SLC15A3: variants seen among roughly 807,000 people sequenced by gnomAD.
SLC15A3 encodes osteoclast transporter.
In SLC15A3, 39 loss-of-function variants were observed where a neutral mutation model predicts 49.2. The observed-to-expected ratio is 0.79, with a 90% CI of 0.61 to 1.04. The LOEUF (loss-of-function observed/expected upper bound fraction) is 1.04. Ranked by LOEUF, SLC15A3 falls within the 50% of genes least tolerant of loss-of-function variation. SLC15A3 has a pLI of 0.00. For synonymous variants in SLC15A3, 339 were observed against 367.0 expected (o/e 0.92, Z 0.87); for missense variants, 758 against 794.8 (o/e 0.95, Z 0.56).
At chr11:60,950,869 T>C (rs1040320090) in intron 1 of SLC15A3, 125 bp downstream of exon 1, 3 of 1,048,272 alleles carry the variant, frequency 2.9e-6, no homozygotes, top group Middle Eastern at 3.2e-4. Context: ...CTAGCCCCCC[T>C]CTTCTTTCAA....
rs752988552 is a variant in SLC15A3, at chr11:60,951,383, C to T, written c.169G>A (p.Val57Met). The T allele has an allele frequency of 1.0e-4, 157 of 1,548,610 alleles. No individual in the cohort carries two copies. Among genetic ancestry groups the T allele is most frequent in the Non-Finnish European group, 1.3e-4 (151 of 1,153,140 alleles). ...AAFFGVTANL[V>M]LYLNSTNFNW... ...AAGTTGGTGCTGTTGAGGTACAGCA[C>T]GAGGTTGGCGGTGACGCCGAAGAAG... Residue 57 changes from valine (V) to methionine (M), a missense_variant, in exon 1 of 8, where the codon GTG becomes ATG. Val to Met is a conservative substitution (Grantham distance 21, BLOSUM62 1). Transcript: ENST00000227880.
At chr11:60,939,779 G>T (rs1465065681) in intron 5 of SLC15A3, 141 bp from the exon 6 acceptor site, 9 of 946,352 alleles carry the variant, frequency 9.5e-6, no homozygotes, top group Non-Finnish European at 1.4e-5. Context: ...ATGCTGGACT[G>T]GGGGGTGGAG....
At chr11:60,949,032 G>A (rs185650402) in intron 1 of SLC15A3, among the ~76,000 whole-genome samples, 3 of 152,284 alleles carry the variant, frequency 2.0e-5, no homozygotes, top group Non-Finnish European at 2.9e-5. Flanking sequence ...ATGTCAACAA[G>A]AAGTAAGAAA....
At chr11:60,949,380 A>G (rs1565129639) in intron 1 of SLC15A3, among the ~76,000 whole-genome samples, 1 of 148,618 alleles carries the variant, frequency 6.7e-6, no homozygotes, top group African/African-American at 2.5e-5. Context: ...AAGAGAAAGA[A>G]AGAGAGAGAG....
chr11:60,949,546 A>AAGAAAGAAAGAAAGAAAG (rs1856871620), intron 1 of SLC15A3, among the ~76,000 whole-genome samples: 5 of 78,224 alleles, frequency 6.4e-5, no homozygotes, highest in African/African-American at 1.1e-4. Context: ...GAAAGAAAGA[A>AAGAAAGAAAGAAAGAAAG]AGAAAGAAAG....
chr11:60,951,291 C>A lies in SLC15A3; in HGVS notation c.261G>T (p.Ala87=). 6.6e-7 allele frequency: 1 copy of A among 1,520,872 alleles called. No individual in the cohort carries two copies. The highest frequency in any genetic ancestry group is 8.8e-7 in the Non-Finnish European group (1 of 1,136,516). The allele number at this position is 1,520,872 out of a possible 1,614,324, so 94.2% of individuals were successfully genotyped here. The change falls in exon 1 of 8, where the codon GCG becomes GCT. Residue 87 remains alanine, a synonymous_variant. Coordinates refer to ENST00000227880, the MANE Select transcript of SLC15A3 (RefSeq NM_016582.3). The part of the protein sequence containing the change: ...LVFLGASYLL[A]PVGGWLADVY... ...CGTCGGCCAGCCAGCCGCCCACGGG[C>A]GCCAGCAGGTAGGAGGCGCCCAGGA... is the stretch of plus-strand genomic sequence containing the variant.
chr11:60,946,973 G>T, intron 1 of SLC15A3, 152 bp from the exon 2 acceptor site: 1 of 826,918 alleles, frequency 1.2e-6, no homozygotes. Flanking sequence ...CAGATGCTCA[G>T]TAAATATTTG....
chr11:60,946,279 C>A (rs1373698879), intron 2 of SLC15A3, among the ~76,000 whole-genome samples: 3 of 152,196 alleles, frequency 2.0e-5, no homozygotes, highest in Admixed American at 6.5e-5. Context: ...GAGGGATAGC[C>A]ACCGCCCCCA....
In SLC15A3 at chr11:60,942,130, CAT is replaced by C; in HGVS notation, c.1010_1011del (p.Tyr337CysfsTer135). 2 of 1,613,090 alleles carry C rather than the reference CAT, an allele frequency of 1.2e-6. No homozygotes were observed. The highest frequency in any genetic ancestry group is 2.2e-5 in the South Asian group (2 of 91,066). ...ATGTGGAGGTGAAGACCCTGCAGGA[CAT>C]AGGTGGACTGCATCTGCCAAGAGAG... ...WMVYFQMQST[Y>X]VLQGLHLHIP... On this transcript the variant is annotated frameshift_variant, in exon 4 of 8. Coordinates refer to ENST00000227880, the MANE Select transcript of SLC15A3 (RefSeq NM_016582.3). LOFTEE classifies it high-confidence loss of function.
intron 2 of SLC15A3, among the ~76,000 whole-genome samples, chr11:60,944,434 A>G (rs888669333): frequency 6.6e-6 from 1 of 151,942 alleles, no homozygotes; most frequent in Non-Finnish European, 1.5e-5. Flanking sequence ...TCACATCACC[A>G]TCACTCTTTT....
chr11:60,950,960 C>G (rs941490659), intron 1 of SLC15A3, 34 bp downstream of exon 1: 1 of 1,404,544 alleles, frequency 7.1e-7, no homozygotes, highest in Non-Finnish European at 9.2e-7. Flanking sequence ...CCACACCCGC[C>G]GGAGTATGCC....
At chr11:60,946,440 C>G in intron 2 of SLC15A3, 92 bp downstream of exon 2, 3 of 1,405,520 alleles carry the variant, frequency 2.1e-6, no homozygotes, top group South Asian at 2.9e-5. Flanking sequence ...GTAGCTGAAC[C>G]AGAATGTCTG....
intron 1 of SLC15A3, among the ~76,000 whole-genome samples, chr11:60,949,448 A>G (rs11230525): frequency 2.8e-5 from 4 of 143,004 alleles, no homozygotes. Context: ...GAAAGAAAGA[A>G]AGAGAAAGAA....
chr11:60,946,795 G>T lies in SLC15A3; in HGVS notation c.585C>A (p.Thr195=). ...DQVMDLGRDA[T]RRFFNWFYWS... ...AGTAAAACCAGTTGAAGAAGCGGCG[G>T]GTGGCGTCGCGGCCGAGATCCATCA... Residue 195 remains threonine (T), a synonymous_variant, in exon 2 of 8, where the codon ACC becomes ACA. Coordinates refer to ENST00000227880, the MANE Select transcript of SLC15A3 (RefSeq NM_016582.3). 6.2e-7 allele frequency: 1 copy of T among 1,612,914 alleles called. No homozygotes were observed. Among genetic ancestry groups the T allele is most frequent in the Non-Finnish European group, 8.5e-7 (1 of 1,179,642 alleles).
At chr11:60,940,044 G>T (rs1856688405) in intron 5 of SLC15A3, 1 of 184,382 alleles carries the variant, frequency 5.4e-6, no homozygotes, top group South Asian at 1.2e-4. Context: ...GCTCTGGTAT[G>T]TCTGGTTTCA....
intron 1 of SLC15A3, among the ~76,000 whole-genome samples, chr11:60,949,553 AAAG>A (rs879506637): frequency 0.018 from 1,475 of 80,492 alleles, 43 homozygotes; most frequent in South Asian, 0.028. Flanking sequence ...AGAAAGAAAG[AAAG>A]AAAGAAAGAA....
chr11:60,941,449 G>T, intron 4 of SLC15A3, 159 bp from the exon 5 acceptor site: 2 of 662,518 alleles, frequency 3.0e-6, no homozygotes, highest in Non-Finnish European at 2.5e-6. Context: ...CAGGGAGTGG[G>T]ATTATGTAGA....
rs1856920207 is a variant in SLC15A3 at position 60,951,425 on chromosome 11, T to C, written c.127A>G (p.Met43Val). ...AAGAAVLLVEMLERAAFFGVT... is the reference protein window; with the variant it reads ...AAGAAVLLVEVLERAAFFGVT... ...CCGAAGAAGGCGGCGCGCTCCAGCA[T>C]CTCCACCAGCAGCACGGCCGCGCCC... Residue 43 changes from methionine (M) to valine (V), a missense_variant, in exon 1 of 8, where the codon ATG becomes GTG. By Grantham distance (21) the Met-to-Val change is conservative. Coordinates refer to ENST00000227880, the MANE Select transcript of SLC15A3 (RefSeq NM_016582.3). 6.6e-7 allele frequency: 1 copy of C among 1,520,704 alleles called. No individual in the cohort carries two copies. Among genetic ancestry groups the C allele is most frequent in the Non-Finnish European group, 8.8e-7 (1 of 1,138,604 alleles). 94.2% of individuals were successfully genotyped at this position (1,520,704 alleles called of 1,614,324 possible). A position where few individuals can be genotyped will look rare whatever the true frequency, so the allele number is the denominator to read the frequency against.
intron 3 of SLC15A3, 48 bp downstream of exon 3, chr11:60,943,640 TG>T: frequency 6.9e-7 from 1 of 1,451,176 alleles, no homozygotes; most frequent in Non-Finnish European, 9.1e-7. Flanking sequence ...GCCATTCAGA[TG>T]GTGAGTGGGG....
Sources: gnomAD v4.1 joint callset for allele counts (sites outside exome capture counted in the v4.1 genomes callset) on GRCh38, gnomAD v4.1.1 for gene constraint, MANE v1.5 for transcripts, NCBI Gene and HGNC (gene_info 2026-07-23, HGNC 2026-07-21) for gene names.